DPP10: variants seen among roughly 807,000 people sequenced by gnomAD.
The protein encoded by DPP10 is dipeptidyl peptidase like 10, also known as inactive dipeptidyl peptidase 10.
In DPP10, 33 loss-of-function variants were observed where a neutral mutation model predicts 120.9. The observed-to-expected ratio is 0.27, with a 90% CI of 0.21 to 0.37. DPP10 has a LOEUF of 0.37. DPP10 is among the 10% of genes least tolerant of loss of function. DPP10 has a pLI of 1.00. For missense variants in DPP10, 816 were observed against 942.8 expected, an observed-to-expected ratio of 0.87 and a Z score of 1.76; for synonymous variants, 337 against 326.1, an observed-to-expected ratio of 1.03 and a Z score of -0.36.
chr2:115,015,005 GC>G (rs1188090229), intron 1 of DPP10, among the ~76,000 whole-genome samples: 1 of 152,102 alleles, frequency 6.6e-6, no homozygotes, highest in Non-Finnish European at 1.5e-5. Flanking sequence ...ATTTTATGAG[GC>G]CAGCATCATC....
chr2:115,670,424 A>T (rs1217960509), intron 5 of DPP10, among the ~76,000 whole-genome samples: 1 of 146,856 alleles, frequency 6.8e-6, no homozygotes, highest in Non-Finnish European at 1.5e-5. Context: ...ATTCAAAGAC[A>T]TACTGGTCTA....
intron 3 of DPP10, among the ~76,000 whole-genome samples, chr2:115,380,156 A>G (rs1277043728): frequency 6.6e-6 from 1 of 152,108 alleles, no homozygotes; most frequent in Non-Finnish European, 1.5e-5. Context: ...GTGGGGTGTT[A>G]AAGTCTCTCA....
In DPP10 at chr2:114,530,325, A is replaced by G. The variant is rs147701395; in HGVS notation, c.60+87487A>G. On this transcript the variant is annotated intron_variant, in intron 1 of 25. Coordinates refer to ENST00000410059, the MANE Select transcript of DPP10 (RefSeq NM_020868.6). ...TCATTTTATAATAGTTATTGGGTAA[A>G]TAATTAAAAAGTATCTCTAGCTAAG... Among the ~76,000 whole-genome samples, 923 of 152,262 alleles carry G rather than the reference A, an allele frequency of 6.1e-3. 11 individuals carry two copies. Among genetic ancestry groups the G allele is most frequent in the Non-Finnish European group, 8.8e-3 (596 of 68,012 alleles).
intron 1 of DPP10, among the ~76,000 whole-genome samples, chr2:114,765,757 TG>T (rs1400918842): frequency 6.6e-6 from 1 of 152,218 alleles, no homozygotes; most frequent in East Asian, 1.9e-4. Flanking sequence ...GTGCTGAGAC[TG>T]GGAAGCTAAC....
chr2:114,599,398 C>T (rs1489621190), intron 1 of DPP10, among the ~76,000 whole-genome samples: 4 of 151,838 alleles, frequency 2.6e-5, no homozygotes, highest in Non-Finnish European at 5.9e-5. Flanking sequence ...CATTCTACCA[C>T]CACCTGTGGG....
intron 1 of DPP10, among the ~76,000 whole-genome samples, chr2:115,265,374 C>G (rs114294271): frequency 1.8e-4 from 27 of 151,402 alleles, no homozygotes; most frequent in African/African-American, 5.3e-4. Flanking sequence ...GTTTAATAAA[C>G]AGTTATTATT....
chr2:115,249,887 T>C (rs1427821619), intron 1 of DPP10, among the ~76,000 whole-genome samples: 1 of 152,118 alleles, frequency 6.6e-6, no homozygotes, highest in Non-Finnish European at 1.5e-5. Context: ...TGATGTTAAT[T>C]AGGGCAATTT....
At chr2:114,492,793 G>A (rs2901039) in intron 1 of DPP10, among the ~76,000 whole-genome samples, 1 of 152,074 alleles carries the variant, frequency 6.6e-6, no homozygotes. Flanking sequence ...GGTACAGCTA[G>A]TAAAATTGTC....
At position 115,695,747 on chromosome 2, in the gene DPP10, G is replaced by A. The variant is rs558089328; in HGVS notation, c.576+5826G>A. Among the ~76,000 whole-genome samples the A allele has an allele frequency of 1.0e-3, 156 of 152,116 alleles. 1 individual carries two copies. Among genetic ancestry groups the A allele is most frequent in the African/African-American group, 3.5e-3 (145 of 41,502 alleles). ...CAAAATTATTAGATTCAAATTGTCT[G>A]GTTTTCAACAATAAAAAAATTACAA... On this transcript the variant is annotated intron_variant, in intron 7 of 25. Coordinates refer to ENST00000410059, the MANE Select transcript of DPP10 (RefSeq NM_020868.6).
intron 1 of DPP10, among the ~76,000 whole-genome samples, chr2:114,486,107 T>G (rs1174048721): frequency 6.6e-6 from 1 of 152,152 alleles, no homozygotes; most frequent in Non-Finnish European, 1.5e-5. Flanking sequence ...ATACATTGAT[T>G]ATTTCCTATG....
chr2:115,600,771 A>G (rs2083273826), intron 5 of DPP10, among the ~76,000 whole-genome samples: 1 of 152,248 alleles, frequency 6.6e-6, no homozygotes, highest in South Asian at 2.1e-4. Context: ...AAATAAAATA[A>G]TCACGAGGGG....
intron 1 of DPP10, among the ~76,000 whole-genome samples, chr2:115,094,331 A>C (rs991846185): frequency 1.3e-5 from 2 of 152,164 alleles, no homozygotes; most frequent in Admixed American, 6.5e-5. Flanking sequence ...TCTAGTGTGA[A>C]TTGTCTGAAG....
At chr2:115,737,965 CAAG>C (rs1474604601) in intron 8 of DPP10, among the ~76,000 whole-genome samples, 1 of 152,186 alleles carries the variant, frequency 6.6e-6, no homozygotes, top group East Asian at 1.9e-4. Flanking sequence ...CCTCTGTCAG[CAAG>C]AAGATTTGTC....
intron 1 of DPP10, among the ~76,000 whole-genome samples, chr2:114,617,210 C>G (rs1172072710): frequency 6.6e-6 from 1 of 151,980 alleles, no homozygotes; most frequent in Non-Finnish European, 1.5e-5. Flanking sequence ...GAGAAAGACA[C>G]TGGAAGACAA....
In DPP10 at chr2:115,057,195, C is replaced by T. The variant is rs372541476; in HGVS notation, c.61-252044C>T. 4.8e-4 allele frequency among the ~76,000 whole-genome samples: 73 copies of T among 152,266 alleles called. 1 individual carries two copies. The highest frequency in any genetic ancestry group is 1.7e-3 in the African/African-American group (71 of 41,550). ...TAGATATGAGCTAAAAGAAAATATG[C>T]CCAGATACCACCTTACCCTAGCAGC... On this transcript the variant is annotated intron_variant, in intron 1 of 25. Coordinates refer to ENST00000410059, the MANE Select transcript of DPP10 (RefSeq NM_020868.6).
chr2:115,257,988 A>G (rs1373201276), intron 1 of DPP10, among the ~76,000 whole-genome samples: 1 of 152,172 alleles, frequency 6.6e-6, no homozygotes, highest in Non-Finnish European at 1.5e-5. Flanking sequence ...ATTAAAATAT[A>G]TGTACCGTTA....
chr2:115,075,202 G>A lies in DPP10; in HGVS notation c.61-234037G>A, dbSNP rs376607466. Among the ~76,000 whole-genome samples the A allele has an allele frequency of 5.3e-5, 8 of 152,276 alleles. No individual in the cohort carries two copies. In the South Asian group the frequency reaches 1.4e-3, roughly 28 times the overall value. ...GATAGCATTGACTGCTGATCACATT[G>A]GTGTTTGCATAAAATAGCATAATCT... On this transcript the variant is annotated intron_variant, in intron 1 of 25. Coordinates refer to ENST00000410059, the MANE Select transcript of DPP10 (RefSeq NM_020868.6).
chr2:115,455,804 A>G (rs2073483187), intron 3 of DPP10, among the ~76,000 whole-genome samples: 1 of 152,188 alleles, frequency 6.6e-6, no homozygotes, highest in South Asian at 2.1e-4. Context: ...TTCACCTTAT[A>G]CAAAAATTAA....
chr2:114,757,978 G>C (rs769186012), intron 1 of DPP10, among the ~76,000 whole-genome samples: 3 of 152,064 alleles, frequency 2.0e-5, no homozygotes, highest in Non-Finnish European at 4.4e-5. Flanking sequence ...CTCACACAAC[G>C]AAGTTGAATA....
Sources: gnomAD v4.1 joint callset for allele counts (sites outside exome capture counted in the v4.1 genomes callset) on GRCh38, gnomAD v4.1.1 for gene constraint, MANE v1.5 for transcripts, NCBI Gene and HGNC (gene_info 2026-07-23, HGNC 2026-07-21) for gene names.